Variants in HMGN5 observed in about 807,000 individuals in gnomAD.
HMGN5 encodes the protein high mobility group nucleosome-binding domain-containing protein 5.
A neutral mutation model predicts 9.5 loss-of-function variants in HMGN5; 4 were observed. That is an observed-to-expected ratio of 0.42 (90% CI 0.21 to 0.96). The LOEUF (loss-of-function observed/expected upper bound fraction) is 0.96, where lower values mean the gene tolerates loss of function less well. HMGN5 is among the 40% of genes least tolerant of loss of function. The pLI is 0.30. For synonymous variants in HMGN5, 55 were observed against 57.1 expected (o/e 0.96, Z 0.16); for missense variants, 192 against 187.5 (o/e 1.02, Z -0.14).
rs1256969140 is a variant in HMGN5, at chrX:81,132,219, G to A, written c.-123-10547C>T. Among the ~76,000 whole-genome samples the A allele has an allele frequency of 1.9e-4, 21 of 110,650 alleles. No homozygotes were observed. In the Admixed American group the frequency reaches 2.0e-3, roughly 11 times the overall value. ...TGCTCAAAGAAATCAGAGATGAAAC[G>A]AACAAATGGAAAAACACCCCATGAT... On this transcript the variant is annotated intron_variant, in intron 1 of 6. Coordinates refer to ENST00000358130, the MANE Select transcript of HMGN5 (RefSeq NM_030763.3).
At chrX:81,191,999 T>C (rs947418863) in intron 1 of HMGN5, among the ~76,000 whole-genome samples, 1 of 111,469 alleles carries the variant, frequency 9.0e-6, no homozygotes, top group Non-Finnish European at 1.9e-5. Flanking sequence ...AAGTAAAGTG[T>C]TGTTTCATCC....
chrX:81,197,501 G>A (rs2075512544), intron 1 of HMGN5, among the ~76,000 whole-genome samples: 1 of 111,510 alleles, frequency 9.0e-6, no homozygotes, highest in Admixed American at 9.6e-5. Context: ...TTGATAAAGG[G>A]AATTTAAAAT....
chrX:81,152,234 C>G (rs1377650049), intron 1 of HMGN5, among the ~76,000 whole-genome samples: 1 of 111,613 alleles, frequency 9.0e-6, no homozygotes, highest in South Asian at 3.7e-4. Context: ...AAAATTTTCA[C>G]AACCGACTCA....
intron 1 of HMGN5, among the ~76,000 whole-genome samples, chrX:81,137,120 G>C (rs1316047471): frequency 9.0e-6 from 1 of 111,276 alleles, no homozygotes; most frequent in Non-Finnish European, 1.9e-5. Context: ...AGCTATACTT[G>C]TGGATCTGTA....
chrX:81,145,734 T>G (rs900516206), intron 1 of HMGN5, among the ~76,000 whole-genome samples: 1 of 111,282 alleles, frequency 9.0e-6, no homozygotes. Context: ...AAGACCCATC[T>G]GTGTGCTGTA....
chrX:81,183,334 C>T (rs1165556526), intron 1 of HMGN5, among the ~76,000 whole-genome samples: 4 of 112,663 alleles, frequency 3.6e-5, no homozygotes, highest in Non-Finnish European at 7.5e-5. Flanking sequence ...TTGGCAGCTC[C>T]TTCCATCACA....
intron 1 of HMGN5, among the ~76,000 whole-genome samples, chrX:81,195,620 A>G (rs1431942603): frequency 1.8e-5 from 2 of 111,435 alleles, no homozygotes; most frequent in African/African-American, 6.5e-5. Context: ...TCTCTTTCCA[A>G]TGATAACCAA....
chrX:81,156,135 A>G lies in HMGN5; in HGVS notation c.-123-34463T>C, dbSNP rs137879291. Among the ~76,000 whole-genome samples the G allele has an allele frequency of 9.8e-5, 11 of 112,010 alleles. No individual in the cohort carries two copies. In the East Asian group the frequency reaches 2.8e-3, roughly 29 times the overall value. On this transcript the variant is annotated intron_variant, in intron 1 of 6. Transcript: ENST00000358130. ...TTGGCTTATGGAATAGAATTTGTCA[A>G]CCTGTTCTCCAAAATACTCAATGTC...
At chrX:81,119,641 A>G in intron 3 of HMGN5, 147 bp downstream of exon 3, 1 of 412,871 alleles carries the variant, frequency 2.4e-6, no homozygotes, top group Non-Finnish European at 4.2e-6. Flanking sequence ...AAATTCGGAT[A>G]TATATTTTTG....
At chrX:81,195,929 T>C (rs747585046) in intron 1 of HMGN5, among the ~76,000 whole-genome samples, 1 of 111,633 alleles carries the variant, frequency 9.0e-6, no homozygotes, top group East Asian at 2.9e-4. Flanking sequence ...ATCATGAACG[T>C]ACCATCTGGG....
At chrX:81,173,482 T>G (rs1375009106) in intron 1 of HMGN5, among the ~76,000 whole-genome samples, 2 of 110,806 alleles carry the variant, frequency 1.8e-5, no homozygotes, top group African/African-American at 6.5e-5. Context: ...CTTGTTATGT[T>G]GCTTTATTTT....
At chrX:81,118,173 G>A (rs990719561) in intron 5 of HMGN5, among the ~76,000 whole-genome samples, 7 of 110,779 alleles carry the variant, frequency 6.3e-5, no homozygotes, top group African/African-American at 2.3e-4. Context: ...TGATAGCAAA[G>A]GCATGTACAT....
intron 1 of HMGN5, among the ~76,000 whole-genome samples, chrX:81,161,233 A>T (rs1294466356): frequency 2.7e-5 from 3 of 110,928 alleles, no homozygotes; most frequent in African/African-American, 1.0e-4. Flanking sequence ...GTACCCTCAA[A>T]ATTATTTCTA....
At chrX:81,147,448 C>T (rs765648917) in intron 1 of HMGN5, among the ~76,000 whole-genome samples, 1 of 111,518 alleles carries the variant, frequency 9.0e-6, no homozygotes, top group African/African-American at 3.3e-5. Flanking sequence ...ATGCCAAAAA[C>T]GCTCAATATA....
chrX:81,187,841 C>A (rs2075481627), intron 1 of HMGN5, among the ~76,000 whole-genome samples: 1 of 110,335 alleles, frequency 9.1e-6, no homozygotes, highest in South Asian at 3.8e-4. Flanking sequence ...GATTTAATTT[C>A]TTGCTTTTTT....
At position 81,119,781 on chromosome X, in the gene HMGN5, A is replaced by G; in HGVS notation, c.45+7T>C. 1 of 1,202,531 alleles carries G rather than the reference A, an allele frequency of 8.3e-7. No homozygotes were observed. The highest frequency in any genetic ancestry group is 1.1e-6 in the Non-Finnish European group (1 of 887,256). On this transcript the variant is annotated splice_region_variant and intron_variant, in intron 3 of 6. Transcript: ENST00000358130. ...TCCTAATAGATGCTAAGACTAAAGAAACTCACCTCCTGCCTCATATCACCT... is the reference window on the plus strand; with the variant it reads ...TCCTAATAGATGCTAAGACTAAAGAGACTCACCTCCTGCCTCATATCACCT...
At chrX:81,156,962 T>C (rs1049475220) in intron 1 of HMGN5, among the ~76,000 whole-genome samples, 3 of 111,620 alleles carry the variant, frequency 2.7e-5, no homozygotes, top group Non-Finnish European at 5.6e-5. Context: ...CCTAGAACTA[T>C]TAAGTTTTAA....
intron 1 of HMGN5, among the ~76,000 whole-genome samples, chrX:81,165,594 G>A (rs542660511): frequency 1.8e-5 from 2 of 111,355 alleles, no homozygotes; most frequent in African/African-American, 3.3e-5. Context: ...AGTCTAAGAC[G>A]TAAGTTAACT....
At chrX:81,173,586 C>T (rs1356108852) in intron 1 of HMGN5, among the ~76,000 whole-genome samples, 3 of 111,964 alleles carry the variant, frequency 2.7e-5, no homozygotes, top group Non-Finnish European at 5.7e-5. Context: ...TTCCATTTCT[C>T]TCAAGAAGAT....
Sources: gnomAD v4.1 joint callset for allele counts (sites outside exome capture counted in the v4.1 genomes callset) on GRCh38, gnomAD v4.1.1 for gene constraint, MANE v1.5 for transcripts, NCBI Gene and HGNC (gene_info 2026-07-23, HGNC 2026-07-21) for gene names.